Variants in ZNF496 observed in about 807,000 individuals in gnomAD.
The protein encoded by ZNF496 is NSD1 (nuclear receptor binding SET-domain containing 1)-interacting zinc finger protein 1.
Under a neutral mutation model 58.9 loss-of-function variants are expected in ZNF496, and 11 were observed. The observed-to-expected ratio is 0.19, with a 90% CI of 0.12 to 0.31. The LOEUF (loss-of-function observed/expected upper bound fraction) is 0.31. ZNF496 is among the 10% of genes least tolerant of loss of function. The probability of loss-of-function intolerance (pLI) is 1.00; values close to 1 mark genes in which losing one functional copy is unlikely to be tolerated. For missense variants in ZNF496, 660 were observed against 783.0 expected (o/e 0.84, Z 1.88); for synonymous variants, 338 against 318.2 (o/e 1.06, Z -0.66).
chr1:247,316,190 G>GGT (rs1187777193), intron 6 of ZNF496, among the ~76,000 whole-genome samples: 5 of 145,582 alleles, frequency 3.4e-5, no homozygotes, highest in African/African-American at 7.6e-5. Context: ...TCCTGGGAGG[G>GGT]GTGTGTGTGT....
intron 6 of ZNF496, among the ~76,000 whole-genome samples, chr1:247,322,488 G>A (rs539420752): frequency 6.6e-6 from 1 of 152,266 alleles, no homozygotes; most frequent in Admixed American, 6.5e-5. Flanking sequence ...TAAATCTTGT[G>A]CCAGCCAGTG....
intron 5 of ZNF496, among the ~76,000 whole-genome samples, chr1:247,325,433 G>A (rs974988522): frequency 6.6e-5 from 10 of 152,178 alleles, no homozygotes; most frequent in Non-Finnish European, 1.0e-4. Flanking sequence ...TACGAAAACT[G>A]TACAATGTGA....
At chr1:247,303,973 C>T (rs1457795177) in intron 9 of ZNF496, 2 of 307,634 alleles carry the variant, frequency 6.5e-6, no homozygotes, top group Admixed American at 4.5e-5. Flanking sequence ...AGGACACCCT[C>T]GTCTGACGGC....
chr1:247,326,313 G>C (rs1266485309), intron 5 of ZNF496, among the ~76,000 whole-genome samples: 1 of 152,018 alleles, frequency 6.6e-6, no homozygotes, highest in Non-Finnish European at 1.5e-5. Flanking sequence ...GATAGGTAGT[G>C]CATTCCAATG....
intron 6 of ZNF496, among the ~76,000 whole-genome samples, chr1:247,321,181 A>G (rs928050901): frequency 2.6e-5 from 4 of 151,554 alleles, no homozygotes; most frequent in Admixed American, 6.6e-5. Flanking sequence ...ATCTCGGGGG[A>G]AAAAAAAACA....
chr1:247,328,571 G>A (rs771740399), intron 5 of ZNF496, 112 bp downstream of exon 5: 64 of 1,181,832 alleles, frequency 5.4e-5, no homozygotes, highest in East Asian at 4.3e-4. Context: ...TCGGGGACAC[G>A]AGAACACTGC....
chr1:247,304,021 G>A (rs894503761), intron 9 of ZNF496: 2 of 428,698 alleles, frequency 4.7e-6, no homozygotes, highest in African/African-American at 4.1e-5. Context: ...CAGGGTTTCT[G>A]AGTATTATAT....
At chr1:247,306,744 G>T (rs1659429583) in intron 9 of ZNF496, among the ~76,000 whole-genome samples, 1 of 152,056 alleles carries the variant, frequency 6.6e-6, no homozygotes. Context: ...CAGGCGATCT[G>T]CCCGCCTCGG....
rs1414261531 is a variant in ZNF496, at chr1:247,297,644, C to T, written c.*2875G>A. 6.6e-6 allele frequency: 1 copy of T among 152,246 alleles called. No homozygotes were observed. Among genetic ancestry groups the T allele is most frequent in the Non-Finnish European group, 1.5e-5 (1 of 68,086 alleles). The allele number at this position is 152,246 out of a possible 1,614,324, so 9.4% of individuals were successfully genotyped here. ...TGGCCAAAAGGGAGACAAAGATCTCCTGGGTGCAGCCTCCTCCACCACTGT... is the reference window on the plus strand; with the variant it reads ...TGGCCAAAAGGGAGACAAAGATCTCTTGGGTGCAGCCTCCTCCACCACTGT... On this transcript the variant is annotated 3_prime_UTR_variant, in exon 10 of 10. Coordinates refer to ENST00000682384, the MANE Select transcript of ZNF496 (RefSeq NM_032752.3).
At chr1:247,303,236 C>A (rs56399534) in intron 9 of ZNF496, among the ~76,000 whole-genome samples, 1 of 151,942 alleles carries the variant, frequency 6.6e-6, no homozygotes, top group Non-Finnish European at 1.5e-5. Flanking sequence ...AGATGGGAGC[C>A]GTCTCCAAGA....
chr1:247,319,815 C>T (rs1366874094), intron 6 of ZNF496, among the ~76,000 whole-genome samples: 12 of 151,960 alleles, frequency 7.9e-5, no homozygotes, highest in South Asian at 2.1e-4. Context: ...CTCAGCTACT[C>T]GGGAAGCTGA....
intron 9 of ZNF496, among the ~76,000 whole-genome samples, chr1:247,305,269 C>T (rs1285466030): frequency 2.0e-5 from 3 of 151,776 alleles, no homozygotes; most frequent in Non-Finnish European, 4.4e-5. Flanking sequence ...AGCTAGACTC[C>T]GTCTGAAAAA....
Position 247,308,499 on chromosome 1 carries a change from C to T in ZNF496, c.982G>A (p.Val328Met). 1.2e-6 allele frequency: 2 copies of T among 1,614,174 alleles called. No homozygotes were observed. Among genetic ancestry groups the T allele is most frequent in the Non-Finnish European group, 8.5e-7 (1 of 1,180,010 alleles). Reference protein sequence around the residue: ...VPEFQACPQTVVPQNTYPAGG... With the variant: ...VPEFQACPQTMVPQNTYPAGG... ...CCTGGGTAGGTGTTTTGAGGCACCA[C>T]CGTCTGTGGGCAGGCCTGGAACTCT... The change falls in exon 9 of 10, where the codon GTG becomes ATG. Residue 328 changes from valine to methionine, a missense_variant. Physicochemically the swap from Val to Met is conservative, Grantham distance 21. Transcript: ENST00000682384. The surrounding 1 kb of genome is among the most constrained non-coding windows in gnomAD (Gnocchi z 4.5).
chr1:247,308,943 A>G lies in ZNF496; in HGVS notation c.893-355T>C, dbSNP rs1317683966. ...CCACAGGCTCCTGCACACTCCGCACATCCTGCACAAACAGCTTGTGCAGAG... is the reference window on the plus strand; with the variant it reads ...CCACAGGCTCCTGCACACTCCGCACGTCCTGCACAAACAGCTTGTGCAGAG... On this transcript the variant is annotated intron_variant, in intron 8 of 9. Transcript: ENST00000682384. This position sits in a 1 kb window ranked among gnomAD's most constrained non-coding sequence, Gnocchi z 4.5. The G allele has an allele frequency of 1.1e-5, 3 of 284,646 alleles. No homozygotes were observed. The Admixed American group carries it at 1.5e-4, about 14-fold the overall frequency. The allele number at this position is 284,646 out of a possible 1,614,324, so 17.6% of individuals were successfully genotyped here.
chr1:247,328,858 G>A lies in ZNF496; in HGVS notation c.399C>T (p.His133=). The change falls in exon 5 of 10, where the codon CAC becomes CAT. Residue 133 remains histidine, a synonymous_variant. Transcript: ENST00000682384. ...EPGRPWQWLK[H]CEDPVVIDDG... Reference sequence around the variant, plus strand: ...CATCAATCACCACAGGGTCTTCACAGTGCTTGAGCTGCAATCCCAGAGACA... The same window carrying A: ...CATCAATCACCACAGGGTCTTCACAATGCTTGAGCTGCAATCCCAGAGACA... The A allele has an allele frequency of 6.3e-7, 1 of 1,590,788 alleles. No homozygotes were observed. Among genetic ancestry groups the A allele is most frequent in the Non-Finnish European group, 8.6e-7 (1 of 1,168,822 alleles).
rs746516659 is a variant in ZNF496 at position 247,300,594 on chromosome 1, C to T, written c.1689G>A (p.Thr563=). The T allele has an allele frequency of 3.7e-6, 6 of 1,613,946 alleles. No homozygotes were observed. The highest frequency in any genetic ancestry group is 5.1e-6 in the Non-Finnish European group (6 of 1,180,014). Residue 563 remains threonine, a synonymous_variant, in exon 10 of 10, where the codon ACG becomes ACA. Transcript: ENST00000682384. This position sits in a 1 kb window ranked among gnomAD's most constrained non-coding sequence, Gnocchi z 5.7. ...CGTGGCGGAGGAGGTCATAGTTCTGCGTGAAGCTCTTGACGCAGTACCGGC... is the reference window on the plus strand; with the variant it reads ...CGTGGCGGAGGAGGTCATAGTTCTGTGTGAAGCTCTTGACGCAGTACCGGC... The part of the protein sequence containing the change: ...FQCRYCVKSF[T]QNYDLLRHER...
intron 7 of ZNF496, 83 bp downstream of exon 7, chr1:247,310,241 G>C: frequency 6.3e-7 from 1 of 1,584,910 alleles, no homozygotes; most frequent in Non-Finnish European, 8.6e-7. Context: ...TGATCCTATG[G>C]GACGAAGTTG....
Position 247,308,145 on chromosome 1 carries a change from G to T in ZNF496, c.1006+330C>A. 1 of 432,496 alleles carries T rather than the reference G, an allele frequency of 2.3e-6. No individual in the cohort carries two copies. Among genetic ancestry groups the T allele is most frequent in the Non-Finnish European group, 3.1e-6 (1 of 324,606 alleles). The allele number at this position is 432,496 out of a possible 1,614,324, so 26.8% of individuals were successfully genotyped here. A position where few individuals can be genotyped will look rare whatever the true frequency, so the allele number is the denominator to read the frequency against. The stretch of plus-strand genomic sequence containing the variant: ...AGGGTGAGCCTGGGATTGGGAGTGA[G>T]CTGGAGAATGACCCCAGCACAACGG... On this transcript the variant is annotated intron_variant, in intron 9 of 9. Transcript: ENST00000682384. The surrounding 1 kb of genome is among the most constrained non-coding windows in gnomAD (Gnocchi z 4.5).
intron 9 of ZNF496, among the ~76,000 whole-genome samples, chr1:247,303,236 C>T (rs56399534): frequency 0.56 from 85,228 of 152,002 alleles, 24,337 homozygotes; most frequent in Middle Eastern, 0.79. Flanking sequence ...AGATGGGAGC[C>T]GTCTCCAAGA....
Sources: gnomAD v4.1 joint callset for allele counts (sites outside exome capture counted in the v4.1 genomes callset) on GRCh38, gnomAD v4.1.1 for gene constraint, Gnocchi (gnomAD v3.1) non-coding constraint, MANE v1.5 for transcripts, NCBI Gene and HGNC (gene_info 2026-07-23, HGNC 2026-07-21) for gene names.